Variants in ITGAL observed in about 807,000 individuals in gnomAD.
ITGAL encodes the protein integrin subunit alpha L.
Under a neutral mutation model 138.4 loss-of-function variants are expected in ITGAL, and 68 were observed. The ratio of observed to expected loss-of-function variants is 0.49; its 90% CI spans 0.40 to 0.60. The LOEUF (loss-of-function observed/expected upper bound fraction) is 0.60. ITGAL is among the 20% of genes least tolerant of loss of function. The probability of loss-of-function intolerance (pLI) is 0.00; values close to 1 mark genes in which losing one functional copy is unlikely to be tolerated. For missense variants in ITGAL, 1,256 were observed against 1,478.6 expected (o/e 0.85, Z 2.47); for synonymous variants, 561 against 584.3 (o/e 0.96, Z 0.57).
At chr16:30,488,738 G>A (rs1002961021) in intron 9 of ITGAL, 7 of 236,422 alleles carry the variant, frequency 3.0e-5, no homozygotes, top group Non-Finnish European at 5.9e-5. Context: ...TTAGCCAGGT[G>A]TGATGGTGTG....
At chr16:30,478,697 C>CAAA (rs59193580) in intron 4 of ITGAL, among the ~76,000 whole-genome samples, 55 of 106,542 alleles carry the variant, frequency 5.2e-4, no homozygotes, top group Middle Eastern at 5.4e-3. Context: ...GACTCCATCT[C>CAAA]AAAAAAAAAA....
chr16:30,504,164 A>G lies in ITGAL; in HGVS notation c.2146-11A>G. 1 of 1,598,420 alleles carries G rather than the reference A, an allele frequency of 6.3e-7. No homozygotes were observed. The highest frequency in any genetic ancestry group is 2.2e-5 in the East Asian group (1 of 44,794). On this transcript the variant is annotated splice_polypyrimidine_tract_variant and intron_variant, in intron 17 of 30. Transcript: ENST00000356798. ...GATTCATGACATAGGCTGTATTCTT[A>G]TCACCCTCAGGTATGTGTTCAAGAC...
In ITGAL at chr16:30,481,504, G is replaced by A; in HGVS notation, c.642G>A (p.Arg214=). 1.2e-6 allele frequency: 2 copies of A among 1,613,278 alleles called. No homozygotes were observed. The highest frequency in any genetic ancestry group is 1.1e-5 in the South Asian group (1 of 91,008). The stretch of plus-strand genomic sequence containing the variant: ...TTGATTTCTCAGATTATGTTAAACG[G>A]AAGGACCCTGATGCTCTGCTGAAGC... The part of the protein sequence containing the change: ...TEFDFSDYVK[R]KDPDALLKHV... Residue 214 remains arginine, a synonymous_variant, in exon 7 of 31, where the codon CGG becomes CGA. Transcript: ENST00000356798.
intron 4 of ITGAL, among the ~76,000 whole-genome samples, chr16:30,476,118 G>A (rs1311991664): frequency 6.6e-6 from 1 of 152,014 alleles, no homozygotes; most frequent in African/African-American, 2.4e-5. Flanking sequence ...GGGCATGGTC[G>A]CGGGCGCCTG....
rs768539045 is a variant in ITGAL at position 30,521,623 on chromosome 16, C to T, written c.3471C>T (p.Pro1157=). The T allele has an allele frequency of 9.3e-6, 15 of 1,614,100 alleles. No homozygotes were observed. In the Admixed American group the frequency reaches 2.2e-4, roughly 23 times the overall value. The change falls in exon 31 of 31, where the codon CCC becomes CCT. Residue 1157 remains proline (P), a synonymous_variant. Transcript: ENST00000356798. ...CTGGGGATCCCGGCTGCCTGAAGCC[C>T]CTCCATGAGAAGGACTCTGAGAGTG... The part of the protein sequence containing the change: ...QEAGDPGCLK[P]LHEKDSESGG...
At chr16:30,484,673 C>G (rs1439010721) in intron 9 of ITGAL, among the ~76,000 whole-genome samples, 1 of 151,980 alleles carries the variant, frequency 6.6e-6, no homozygotes, top group African/African-American at 2.4e-5. Context: ...AATCCCAGCA[C>G]TTTGGGAGGC....
At chr16:30,504,044 A>G in intron 17 of ITGAL, 131 bp from the exon 18 acceptor site, 1 of 708,214 alleles carries the variant, frequency 1.4e-6, no homozygotes. Flanking sequence ...TGGATTTTCA[A>G]TACTGGTAGG....
intron 3 of ITGAL, 32 bp from the exon 4 acceptor site, chr16:30,475,481 G>C: frequency 6.2e-7 from 1 of 1,608,206 alleles, no homozygotes; most frequent in Non-Finnish European, 8.5e-7. Context: ...GACTGCCTGA[G>C]CTCCTCCAGA....
At position 30,484,141 on chromosome 16, in the gene ITGAL, G is replaced by A; in HGVS notation, c.884G>A (p.Ser295Asn). 5 of 1,614,140 alleles carry A rather than the reference G, an allele frequency of 3.1e-6. No individual in the cohort carries two copies. The highest frequency in any genetic ancestry group is 4.2e-6 in the Non-Finnish European group (5 of 1,180,026). ...GIGKHFQTKE[S>N]QETLHKFASK... Reference sequence around the variant, plus strand: ...GGAAAGCATTTTCAGACCAAGGAGAGTCAGGAGACCCTCCACAAATTTGCA... The same window carrying A: ...GGAAAGCATTTTCAGACCAAGGAGAATCAGGAGACCCTCCACAAATTTGCA... The change falls in exon 9 of 31, where the codon AGT (serine) becomes AAT (asparagine). Residue 295 changes from serine (S) to asparagine (N), a missense_variant. Physicochemically the swap from Ser to Asn is conservative, Grantham distance 46. Transcript: ENST00000356798.
At chr16:30,477,239 A>C (rs927430233) in intron 4 of ITGAL, 1 of 152,050 alleles carries the variant, frequency 6.6e-6, no homozygotes, top group Admixed American at 6.6e-5. Context: ...AGGTTCTGAC[A>C]GGGGAAGGGG....
At position 30,484,107 on chromosome 16, in the gene ITGAL, T is replaced by TTC. The variant is rs779420337; in HGVS notation, c.856-6_856-5insTC. On this transcript the variant is annotated splice_region_variant and splice_polypyrimidine_tract_variant and intron_variant, in intron 8 of 30. Transcript: ENST00000356798. ...TTTCAGCTCTTCACTCTCCACTCCC[T>TTC]CACAGATTGGAAAGCATTTTCAGAC... is the stretch of plus-strand genomic sequence containing the variant. 1 of 1,613,034 alleles carries TTC rather than the reference T, an allele frequency of 6.2e-7. No homozygotes were observed. Among genetic ancestry groups the TTC allele is most frequent in the South Asian group, 1.1e-5 (1 of 90,934 alleles).
chr16:30,484,095 C>G lies in ITGAL; in HGVS notation c.856-18C>G. The G allele has an allele frequency of 6.2e-7, 1 of 1,609,220 alleles. No individual in the cohort carries two copies. Among genetic ancestry groups the G allele is most frequent in the East Asian group, 2.2e-5 (1 of 44,746 alleles). ...AGGTTTGGGGGATTTCAGCTCTTCA[C>G]TCTCCACTCCCTCACAGATTGGAAA... is the stretch of plus-strand genomic sequence containing the variant. On this transcript the variant is annotated intron_variant, in intron 8 of 30. Transcript: ENST00000356798.
intron 1 of ITGAL, 145 bp from the exon 2 acceptor site, chr16:30,474,051 C>T (rs2050430964): frequency 1.4e-6 from 1 of 707,114 alleles, no homozygotes; most frequent in East Asian, 2.7e-5. Context: ...TTCCATATTC[C>T]CAGAAGTCAA....
Position 30,508,404 on chromosome 16 carries a change from G to A in ITGAL, c.2508+1548G>A, listed in dbSNP as rs550045827. ...ATTTTTATATTTTTAGTAGAGATGG[G>A]GTTTCACCATGTTGGCCAGGCTGGT... On this transcript the variant is annotated intron_variant, in intron 21 of 30. Coordinates refer to ENST00000356798, the MANE Select transcript of ITGAL (RefSeq NM_002209.3). 2.6e-5 allele frequency among the ~76,000 whole-genome samples: 4 copies of A among 151,816 alleles called. No homozygotes were observed. In the East Asian group the frequency reaches 7.8e-4, roughly 29 times the overall value.
In ITGAL at chr16:30,479,376, C is replaced by T. The variant is rs2050521453; in HGVS notation, c.491C>T (p.Ser164Leu). 6.2e-7 allele frequency: 1 copy of T among 1,614,016 alleles called. No homozygotes were observed. The highest frequency in any genetic ancestry group is 8.5e-7 in the Non-Finnish European group (1 of 1,179,998). The change falls in exon 6 of 31, where the codon TCG (serine) becomes TTG (leucine). Residue 164 changes from serine (S) to leucine (L), a missense_variant. Coordinates refer to ENST00000356798, the MANE Select transcript of ITGAL (RefSeq NM_002209.3). ...NVDLVFLFDG[S>L]MSLQPDEFQK... ...GACCTGGTATTTCTGTTTGATGGTT[C>T]GATGAGCTTGCAGCCAGATGAATTT...
In ITGAL at chr16:30,510,420, C is replaced by T. The variant is rs2051072763; in HGVS notation, c.2568C>T (p.Ser856=). 1.9e-6 allele frequency: 3 copies of T among 1,613,344 alleles called. No individual in the cohort carries two copies. Among genetic ancestry groups the T allele is most frequent in the Admixed American group, 3.3e-5 (2 of 59,968 alleles). ...EELPEESRLL[S]RALSCNVSSP... ...TTCCTGAAGAGTCCAGGCTTCTGTC[C>T]AGGGCATTATCTTGCAATGTGAGCT... The change falls in exon 22 of 31, where the codon TCC becomes TCT. Residue 856 remains serine (S), a synonymous_variant. Transcript: ENST00000356798.
At chr16:30,517,555 CCCAGGG>C in intron 26 of ITGAL, 88 bp from the exon 27 acceptor site, 3 of 1,044,906 alleles carry the variant, frequency 2.9e-6, no homozygotes, top group East Asian at 2.4e-5. Context: ...TCTGAACTCA[CCCAGGG>C]CCAGGGCCAG....
chr16:30,519,916 C>G lies in ITGAL; in HGVS notation c.3288C>G (p.Ser1096Arg). Residue 1096 changes from serine (S) to arginine (R), a missense_variant, in exon 30 of 31, where the codon AGC becomes AGG. Physicochemically the swap from Ser to Arg is moderately radical, Grantham distance 110. This residue lies in a region of ITGAL where 867 missense variants were observed against 972.5 expected (regional missense o/e 0.89). Coordinates refer to ENST00000356798, the MANE Select transcript of ITGAL (RefSeq NM_002209.3). Reference protein sequence around the residue: ...EKQMLYLYVLSGIGGLLLLLL... With the variant: ...EKQMLYLYVLRGIGGLLLLLL... Reference sequence around the variant, plus strand: ...AGATGCTCTACCTCTACGTGCTGAGCGGCATCGGGGGGCTGCTGCTGCTGC... The same window carrying G: ...AGATGCTCTACCTCTACGTGCTGAGGGGCATCGGGGGGCTGCTGCTGCTGC... 1 of 1,613,850 alleles carries G rather than the reference C, an allele frequency of 6.2e-7. No individual in the cohort carries two copies. The highest frequency in any genetic ancestry group is 8.5e-7 in the Non-Finnish European group (1 of 1,179,964).
intron 9 of ITGAL, among the ~76,000 whole-genome samples, chr16:30,488,000 G>A (rs1402671005): frequency 1.3e-5 from 2 of 152,160 alleles, no homozygotes; most frequent in Non-Finnish European, 2.9e-5. Context: ...TTACAGGCAT[G>A]AGCCACCACG....
Sources: gnomAD v4.1 joint callset for allele counts (sites outside exome capture counted in the v4.1 genomes callset) on GRCh38, gnomAD v4.1.1 for gene constraint, gnomAD v4.1.1 regional missense constraint, MANE v1.5 for transcripts, NCBI Gene and HGNC (gene_info 2026-07-23, HGNC 2026-07-21) for gene names.